YTHDC1: variants seen among roughly 807,000 people sequenced by gnomAD.
YTHDC1 encodes YTH N6-methyladenosine RNA binding protein C1.
A neutral mutation model predicts 107.0 loss-of-function variants in YTHDC1; 12 were observed. The ratio of observed to expected loss-of-function variants is 0.11; its 90% CI spans 0.07 to 0.18. The LOEUF (loss-of-function observed/expected upper bound fraction) is 0.18, where lower values mean the gene tolerates loss of function less well. Among genes scored for constraint, YTHDC1 ranks in the 10% least tolerant of loss-of-function variants. The pLI, the probability that YTHDC1 is intolerant of heterozygous loss-of-function variation, is 1.00. For missense variants in YTHDC1, 635 were observed against 898.8 expected (o/e 0.71, Z 3.75); for synonymous variants, 280 against 289.5 (o/e 0.97, Z 0.33).
At chr4:68,335,263 C>A (rs570565158) in intron 4 of YTHDC1, among the ~76,000 whole-genome samples, 1 of 141,816 alleles carries the variant, frequency 7.1e-6, no homozygotes, top group Non-Finnish European at 1.6e-5. Flanking sequence ...CCAAAATCAC[C>A]CCATTACTCT....
chr4:68,317,049 A>C (rs896262094), intron 15 of YTHDC1, among the ~76,000 whole-genome samples: 1 of 152,132 alleles, frequency 6.6e-6, no homozygotes, highest in African/African-American at 2.4e-5. Context: ...TGGGTAACAG[A>C]GTGAGACCTT....
At chr4:68,332,912 A>C (rs773525561) in intron 5 of YTHDC1, 65 bp from the exon 6 acceptor site, 4 of 1,362,586 alleles carry the variant, frequency 2.9e-6, no homozygotes, top group Non-Finnish European at 4.1e-6. Flanking sequence ...AAATTTCTAC[A>C]GTCTTGTCAC....
rs375102705 is a variant in YTHDC1 at position 68,311,504 on chromosome 4, C to T, written c.*2595G>A. ...TAGAATCACAGCACAGTGGAGTACACGAAAGAAACCATGTCTTCTCACAGT... is the reference window on the plus strand; with the variant it reads ...TAGAATCACAGCACAGTGGAGTACATGAAAGAAACCATGTCTTCTCACAGT... On this transcript the variant is annotated 3_prime_UTR_variant, in exon 17 of 17. Coordinates refer to ENST00000344157, the MANE Select transcript of YTHDC1 (RefSeq NM_001031732.4). The T allele has an allele frequency of 5.3e-5, 8 of 152,142 alleles. No homozygotes were observed. The highest frequency in any genetic ancestry group is 1.9e-4 in the East Asian group (1 of 5,198). 9.4% of individuals were successfully genotyped at this position (152,142 alleles called of 1,614,324 possible). A position where few individuals can be genotyped will look rare whatever the true frequency, so the allele number is the denominator to read the frequency against.
At chr4:68,346,145 G>A (rs926733218) in intron 1 of YTHDC1, among the ~76,000 whole-genome samples, 5 of 150,596 alleles carry the variant, frequency 3.3e-5, no homozygotes, top group African/African-American at 1.2e-4. Context: ...GCTGGGCACG[G>A]TGGCTCACAC....
At chr4:68,329,887 G>T in intron 9 of YTHDC1, 115 bp downstream of exon 9, 1 of 709,440 alleles carries the variant, frequency 1.4e-6, no homozygotes, top group Non-Finnish European at 2.4e-6. Context: ...TTAGATAAAG[G>T]TAGTTACTGA....
chr4:68,348,883 T>G, intron 1 of YTHDC1, among the ~76,000 whole-genome samples: 1 of 152,340 alleles, frequency 6.6e-6, no homozygotes, highest in South Asian at 2.1e-4. Flanking sequence ...TAAAGCAGCA[T>G]TTAATCTAGA....
In YTHDC1 at chr4:68,349,901, C is replaced by T; in HGVS notation, c.-148G>A. 9.9e-7 allele frequency: 1 copy of T among 1,011,402 alleles called. No homozygotes were observed. The highest frequency in any genetic ancestry group is 1.4e-5 in the South Asian group (1 of 69,982). 62.7% of individuals were successfully genotyped at this position (1,011,402 alleles called of 1,614,324 possible). A position where few individuals can be genotyped will look rare whatever the true frequency, so the allele number is the denominator to read the frequency against. The stretch of plus-strand genomic sequence containing the variant: ...CGCACTTGGCCTCTTAACACTCAGC[C>T]TTCTCGACTCTTCCCGCTTTTTCCC... On this transcript the variant is annotated 5_prime_UTR_variant, in exon 1 of 17. Transcript: ENST00000344157.
rs749595872 is a variant in YTHDC1 at position 68,336,988 on chromosome 4, CTTTT to C, written c.883+35_883+38del. On this transcript the variant is annotated intron_variant, in intron 4 of 16. Transcript: ENST00000344157. ...ATTTTCAAGACTGAAACCTATCAAG[CTTTT>C]TTTAAGACAAACTTTTACATATAAA... 2.2e-5 allele frequency: 33 copies of C among 1,533,094 alleles called. 1 individual carries two copies. The highest frequency in any genetic ancestry group is 4.3e-5 in the Admixed American group (2 of 47,016). 95.0% of individuals were successfully genotyped at this position (1,533,094 alleles called of 1,614,324 possible). A position where few individuals can be genotyped will look rare whatever the true frequency, so the allele number is the denominator to read the frequency against.
At chr4:68,334,523 G>C (rs1302542220) in intron 4 of YTHDC1, among the ~76,000 whole-genome samples, 2 of 152,088 alleles carry the variant, frequency 1.3e-5, no homozygotes, top group Non-Finnish European at 1.5e-5. Context: ...CAAGTAGAAA[G>C]GATGTTTTAT....
At chr4:68,345,464 T>C (rs1208617788) in intron 1 of YTHDC1, among the ~76,000 whole-genome samples, 1 of 152,198 alleles carries the variant, frequency 6.6e-6, no homozygotes, top group Non-Finnish European at 1.5e-5. Flanking sequence ...GCAAGATTAC[T>C]AGAACCTCCC....
intron 7 of YTHDC1, among the ~76,000 whole-genome samples, chr4:68,330,541 A>G (rs890646069): frequency 2.0e-4 from 31 of 152,280 alleles, no homozygotes; most frequent in African/African-American, 7.2e-4. Flanking sequence ...AGCAAGTAGT[A>G]AATAGATGGA....
At position 68,314,227 on chromosome 4, in the gene YTHDC1, C is replaced by T; in HGVS notation, c.2056G>A (p.Glu686Lys). ...CTGTTATCTCTAGGGCGGTCTCGCT[C>T]TCGTTCCCGGTCTCTTTCACGGGGT... Reference protein sequence around the residue: ...SRPRERDRERERDRPRDNRRD... With the variant: ...SRPRERDRERKRDRPRDNRRD... Residue 686 changes from glutamate to lysine, a missense_variant, in exon 17 of 17, where the codon GAG (glutamate) becomes AAG (lysine). Transcript: ENST00000344157. 1 of 1,613,870 alleles carries T rather than the reference C, an allele frequency of 6.2e-7. No individual in the cohort carries two copies. Among genetic ancestry groups the T allele is most frequent in the Non-Finnish European group, 8.5e-7 (1 of 1,179,914 alleles).
intron 14 of YTHDC1, 30 bp downstream of exon 14, chr4:68,318,660 C>T (rs1722121638): frequency 3.1e-6 from 5 of 1,609,338 alleles, no homozygotes; most frequent in Non-Finnish European, 4.3e-6. Context: ...TGATTTTATC[C>T]ACATTAAATA....
At chr4:68,332,520 TAC>T (rs1158867272) in intron 6 of YTHDC1, among the ~76,000 whole-genome samples, 1 of 151,986 alleles carries the variant, frequency 6.6e-6, no homozygotes, top group Non-Finnish European at 1.5e-5. Flanking sequence ...TACATATATA[TAC>T]ACACACATCT....
chr4:68,329,653 T>C (rs376577372), intron 9 of YTHDC1, among the ~76,000 whole-genome samples: 7 of 152,322 alleles, frequency 4.6e-5, no homozygotes, highest in African/African-American at 1.7e-4. Flanking sequence ...TAAAAAATAC[T>C]GTCCACGACT....
Position 68,313,485 on chromosome 4 carries a change from AT to A in YTHDC1, c.*613del, listed in dbSNP as rs1314419577. 6.5e-6 allele frequency: 1 copy of A among 152,950 alleles called. No homozygotes were observed. Among genetic ancestry groups the A allele is most frequent in the Admixed American group, 6.5e-5 (1 of 15,310 alleles). 9.5% of individuals were successfully genotyped at this position (152,950 alleles called of 1,614,324 possible). A position where few individuals can be genotyped will look rare whatever the true frequency, so the allele number is the denominator to read the frequency against. The stretch of plus-strand genomic sequence containing the variant: ...ATCAACCACGCTACTGAACATAGGA[AT>A]TTTTCATTTAAAAAGATTAAAAATT... On this transcript the variant is annotated 3_prime_UTR_variant, in exon 17 of 17. Transcript: ENST00000344157.
In YTHDC1 at chr4:68,313,939, G is replaced by C. The variant is rs1033318293; in HGVS notation, c.*160C>G. 6 of 774,558 alleles carry C rather than the reference G, an allele frequency of 7.7e-6. No individual in the cohort carries two copies. In the Admixed American group the frequency reaches 1.0e-4, roughly 14 times the overall value. The allele number at this position is 774,558 out of a possible 1,614,324, so 48.0% of individuals were successfully genotyped here. A position where few individuals can be genotyped will look rare whatever the true frequency, so the allele number is the denominator to read the frequency against. ...GGATTTGAGTTTTTCCAGTTCTTAT[G>C]ATACTGCATGCTTGGAACAAAGGGG... On this transcript the variant is annotated 3_prime_UTR_variant, in exon 17 of 17. Coordinates refer to ENST00000344157, the MANE Select transcript of YTHDC1 (RefSeq NM_001031732.4).
At position 68,343,825 on chromosome 4, in the gene YTHDC1, ATTT is replaced by A. The variant is rs141672772; in HGVS notation, c.29-5444_29-5442del. ...AAATTAAGATGTCACAAAAAGATGG[ATTT>A]TTTTATAATGTGCCAGTTCAAGAAA... On this transcript the variant is annotated intron_variant, in intron 1 of 16. Coordinates refer to ENST00000344157, the MANE Select transcript of YTHDC1 (RefSeq NM_001031732.4). Among the ~76,000 whole-genome samples, 775 of 152,268 alleles carry A rather than the reference ATTT, an allele frequency of 5.1e-3. 57 individuals are homozygous for A. In the East Asian group the frequency reaches 0.14, roughly 27 times the overall value.
chr4:68,332,676 G>C (rs1273617397), intron 6 of YTHDC1, 118 bp downstream of exon 6: 1 of 816,854 alleles, frequency 1.2e-6, no homozygotes, highest in East Asian at 2.7e-5. Flanking sequence ...ATTATTTTTT[G>C]CTTCATGTAA....
Sources: gnomAD v4.1 joint callset for allele counts (sites outside exome capture counted in the v4.1 genomes callset) on GRCh38, gnomAD v4.1.1 for gene constraint, MANE v1.5 for transcripts, NCBI Gene and HGNC (gene_info 2026-07-23, HGNC 2026-07-21) for gene names.